Variants in TAOK1 observed in about 807,000 individuals in gnomAD.
TAOK1 encodes serine/threonine-protein kinase TAO1.
A neutral mutation model predicts 138.3 loss-of-function variants in TAOK1; 21 were observed. That is an observed-to-expected ratio of 0.15 (90% CI 0.11 to 0.22). The LOEUF is 0.22. Ranked by LOEUF, TAOK1 falls within the 10% of genes least tolerant of loss-of-function variation. The pLI is 1.00. For missense variants in TAOK1, 651 were observed against 1,227.7 expected (o/e 0.53, Z 7.02); for synonymous variants, 361 against 398.4 (o/e 0.91, Z 1.12).
At chr17:29,519,530 G>A (rs1202080913) in intron 16 of TAOK1, among the ~76,000 whole-genome samples, 1 of 133,178 alleles carries the variant, frequency 7.5e-6, no homozygotes, top group Non-Finnish European at 1.7e-5. Context: ...GAAAAAAAAA[G>A]AAAAGAAAAG....
At chr17:29,516,168 T>A (rs1278609810) in intron 15 of TAOK1, among the ~76,000 whole-genome samples, 2 of 151,878 alleles carry the variant, frequency 1.3e-5, no homozygotes, top group African/African-American at 4.8e-5. Context: ...TCTATGTTGG[T>A]CAAGCTGGTC....
At chr17:29,497,145 T>C (rs2031430882) in intron 11 of TAOK1, among the ~76,000 whole-genome samples, 1 of 152,214 alleles carries the variant, frequency 6.6e-6, no homozygotes, top group African/African-American at 2.4e-5. Flanking sequence ...TTGTTTCTTC[T>C]TTGCCCCGTC....
chr17:29,432,686 G>T (rs1228165354), intron 1 of TAOK1, among the ~76,000 whole-genome samples: 1 of 151,954 alleles, frequency 6.6e-6, no homozygotes, highest in Admixed American at 6.6e-5. Flanking sequence ...TGTTGACCAG[G>T]CTGGTCTTGA....
intron 3 of TAOK1, among the ~76,000 whole-genome samples, chr17:29,473,728 C>CT (rs1235934464): frequency 6.6e-6 from 1 of 151,550 alleles, no homozygotes; most frequent in Non-Finnish European, 1.5e-5. Context: ...TTCTTTCTTT[C>CT]TTTTTCTTTT....
intron 1 of TAOK1, among the ~76,000 whole-genome samples, chr17:29,448,403 A>C (rs936969159): frequency 3.8e-4 from 58 of 152,084 alleles, no homozygotes; most frequent in Non-Finnish European, 8.1e-4. Flanking sequence ...TTTTTTTCCA[A>C]ATGGATTGTC....
At chr17:29,516,449 C>G (rs2031815748) in intron 15 of TAOK1, among the ~76,000 whole-genome samples, 1 of 151,842 alleles carries the variant, frequency 6.6e-6, no homozygotes, top group African/African-American at 2.4e-5. Context: ...ACGCTCCTGC[C>G]TCAGCCTCCC....
chr17:29,407,349 G>T (rs1186868312), intron 1 of TAOK1, among the ~76,000 whole-genome samples: 3 of 152,082 alleles, frequency 2.0e-5, no homozygotes, highest in Non-Finnish European at 2.9e-5. Context: ...AACAGTAGGT[G>T]TCTCTCAACA....
chr17:29,527,651 A>G (rs2032034305), intron 17 of TAOK1, among the ~76,000 whole-genome samples: 1 of 152,232 alleles, frequency 6.6e-6, no homozygotes, highest in Non-Finnish European at 1.5e-5. Context: ...ACAAGTGTGT[A>G]AATTTGGTTA....
rs1222139703 is a variant in TAOK1 at position 29,542,626 on chromosome 17, T to A, written c.2610T>A (p.Arg870=). Residue 870 remains arginine, a synonymous_variant, in exon 20 of 20, where the codon CGT becomes CGA. Transcript: ENST00000261716. ...AACGAATACGAAGCCTGTTGGAACG[T>A]CAAGCCAGAGAGATTGAAGCTTTTG... The part of the protein sequence containing the change: ...RTERIRSLLE[R]QAREIEAFDS... 9.9e-6 allele frequency: 16 copies of A among 1,614,106 alleles called. No individual in the cohort carries two copies. Among genetic ancestry groups the A allele is most frequent in the Non-Finnish European group, 1.2e-5 (14 of 1,180,048 alleles).
intron 1 of TAOK1, among the ~76,000 whole-genome samples, chr17:29,401,755 A>AGT (rs1567708043): frequency 1.3e-5 from 2 of 152,016 alleles, no homozygotes; most frequent in African/African-American, 2.4e-5. Context: ...CTTGGGCTCA[A>AGT]GCAATCCTCC....
intron 1 of TAOK1, among the ~76,000 whole-genome samples, chr17:29,440,073 A>T (rs1023905712): frequency 2.6e-5 from 4 of 152,088 alleles, no homozygotes; most frequent in Non-Finnish European, 5.9e-5. Flanking sequence ...TGTAACACAG[A>T]TTTTGAGCTA....
chr17:29,472,151 C>T (rs11651674), intron 3 of TAOK1, among the ~76,000 whole-genome samples: 1,615 of 152,150 alleles, frequency 0.011, 17 homozygotes, highest in Non-Finnish European at 0.019. Flanking sequence ...GAGTCGGAAA[C>T]GTTCTTAATG....
At position 29,435,434 on chromosome 17, in the gene TAOK1, A is replaced by G. The variant is rs1176024110; in HGVS notation, c.-94-16021A>G. On this transcript the variant is annotated intron_variant, in intron 1 of 19. Transcript: ENST00000261716. Reference sequence around the variant, plus strand: ...GATTATTTGCCTAAAGTATAGCAAGAATAATTATGTCTACATAGGCCTTTT... The same window carrying G: ...GATTATTTGCCTAAAGTATAGCAAGGATAATTATGTCTACATAGGCCTTTT... Among the ~76,000 whole-genome samples the G allele has an allele frequency of 2.0e-5, 3 of 152,186 alleles. No individual in the cohort carries two copies. In the East Asian group the frequency reaches 5.8e-4, roughly 29 times the overall value.
chr17:29,453,101 T>G (rs1372821092), intron 2 of TAOK1, among the ~76,000 whole-genome samples: 1 of 152,132 alleles, frequency 6.6e-6, no homozygotes, highest in Non-Finnish European at 1.5e-5. Context: ...ATTTGCCTAT[T>G]CTGGATACTT....
chr17:29,476,839 A>T (rs369729223), intron 4 of TAOK1, among the ~76,000 whole-genome samples: 9 of 151,618 alleles, frequency 5.9e-5, no homozygotes, highest in East Asian at 3.9e-4. Flanking sequence ...GTCATTTTTT[A>T]AAATTTTATT....
intron 2 of TAOK1, among the ~76,000 whole-genome samples, chr17:29,461,629 G>GCT (rs952363552): frequency 1.3e-5 from 2 of 152,100 alleles, no homozygotes; most frequent in African/African-American, 4.8e-5. Context: ...TCTACTACTT[G>GCT]CCTTTTGGAG....
intron 10 of TAOK1, among the ~76,000 whole-genome samples, chr17:29,492,792 C>A (rs1281252352): frequency 6.6e-6 from 1 of 151,128 alleles, no homozygotes; most frequent in Non-Finnish European, 1.5e-5. Context: ...AACCCCTTCT[C>A]AAAAAAATAA....
intron 1 of TAOK1, among the ~76,000 whole-genome samples, chr17:29,448,209 A>G (rs1348854905): frequency 6.6e-6 from 1 of 151,574 alleles, no homozygotes; most frequent in African/African-American, 2.4e-5. Context: ...ATATTTGTGT[A>G]TCTGATCCCT....
chr17:29,422,464 C>A (rs953169311), intron 1 of TAOK1, among the ~76,000 whole-genome samples: 1 of 151,548 alleles, frequency 6.6e-6, no homozygotes, highest in African/African-American at 2.4e-5. Flanking sequence ...GTGATCCGCC[C>A]GCCTCAGCCT....
Sources: gnomAD v4.1 joint callset for allele counts (sites outside exome capture counted in the v4.1 genomes callset) on GRCh38, gnomAD v4.1.1 for gene constraint, MANE v1.5 for transcripts, NCBI Gene and HGNC (gene_info 2026-07-23, HGNC 2026-07-21) for gene names.